Variants in SLC16A2 observed in about 807,000 individuals in gnomAD.
SLC16A2 encodes the protein monocarboxylate transporter 8.
In SLC16A2, 3 loss-of-function variants were observed where a neutral mutation model predicts 27.2. That is an observed-to-expected ratio of 0.11 (90% CI 0.05 to 0.28). The LOEUF (loss-of-function observed/expected upper bound fraction) is 0.28. Among genes scored for constraint, SLC16A2 ranks in the 10% least tolerant of loss-of-function variants. The pLI is 1.00. For missense variants in SLC16A2, 295 were observed against 458.5 expected (o/e 0.64, Z 3.26); for synonymous variants, 202 against 187.8 (o/e 1.08, Z -0.62).
At position 74,523,015 on chromosome X, in the gene SLC16A2, A is replaced by T. The variant is rs1186968957; in HGVS notation, c.576-1344A>T. Among the ~76,000 whole-genome samples the T allele has an allele frequency of 1.3e-3, 45 of 35,196 alleles. 2 individuals carry two copies. Among genetic ancestry groups the T allele is most frequent in the Non-Finnish European group, 1.1e-4 (1 of 9,288 alleles). The allele number at this position is 35,196 out of a possible 115,157, so 30.6% of individuals were successfully genotyped here. A position where few individuals can be genotyped will look rare whatever the true frequency, so the allele number is the denominator to read the frequency against. ...ATCCCTGGGGCCCAGCTAGAAGTAG[A>T]TCCACCACATGGATCTAAACCAAAT... is the stretch of plus-strand genomic sequence containing the variant. On this transcript the variant is annotated intron_variant, in intron 2 of 5. Transcript: ENST00000587091.
At chrX:74,435,086 T>C (rs971075572) in intron 1 of SLC16A2, among the ~76,000 whole-genome samples, 2 of 109,761 alleles carry the variant, frequency 1.8e-5, no homozygotes, top group Admixed American at 2.0e-4. Context: ...TGCCTCGGCC[T>C]CCCAAAGTAC....
intron 1 of SLC16A2, among the ~76,000 whole-genome samples, chrX:74,503,246 C>T (rs1930069150): frequency 9.0e-6 from 1 of 110,861 alleles, no homozygotes; most frequent in Non-Finnish European, 1.9e-5. Context: ...CTCACACAGA[C>T]CCAATTAAAA....
At chrX:74,508,141 C>T (rs971189164) in intron 1 of SLC16A2, among the ~76,000 whole-genome samples, 8 of 111,856 alleles carry the variant, frequency 7.2e-5, no homozygotes, top group South Asian at 3.7e-4. Context: ...AGTCTTGAAA[C>T]GAGATAATAT....
At chrX:74,424,324 G>T (rs1434446666) in intron 1 of SLC16A2, among the ~76,000 whole-genome samples, 1 of 111,338 alleles carries the variant, frequency 9.0e-6, no homozygotes, top group African/African-American at 3.3e-5. Flanking sequence ...TATACTAGAG[G>T]TTCTTAGGGA....
At position 74,479,271 on chromosome X, in the gene SLC16A2, C is replaced by T. The variant is rs765788067; in HGVS notation, c.431-41719C>T. On this transcript the variant is annotated intron_variant, in intron 1 of 5. Transcript: ENST00000587091. ...ACTGATACCCTTTCTTCCAGTTGATCGAATTGGCTACTGAGGCTTGTGCAT... is the reference window on the plus strand; with the variant it reads ...ACTGATACCCTTTCTTCCAGTTGATTGAATTGGCTACTGAGGCTTGTGCAT... Among the ~76,000 whole-genome samples, 9 of 112,148 alleles carry T rather than the reference C, an allele frequency of 8.0e-5. No homozygotes were observed. The South Asian group carries it at 1.1e-3, about 14-fold the overall frequency.
At chrX:74,479,827 C>G (rs1929576324) in intron 1 of SLC16A2, among the ~76,000 whole-genome samples, 1 of 111,732 alleles carries the variant, frequency 8.9e-6, no homozygotes, top group African/African-American at 3.3e-5. Flanking sequence ...ATGTTGCTGC[C>G]TGATCGTTCC....
intron 1 of SLC16A2, among the ~76,000 whole-genome samples, chrX:74,481,683 G>A (rs1437960925): frequency 9.4e-6 from 1 of 106,849 alleles, no homozygotes; most frequent in Non-Finnish European, 1.9e-5. Flanking sequence ...TTTCTCCTTT[G>A]TTTTTTACTC....
At chrX:74,473,373 T>A in intron 1 of SLC16A2, 1 of 542,203 alleles carries the variant, frequency 1.8e-6, no homozygotes, top group East Asian at 3.3e-5. Context: ...CACCTCTGGC[T>A]GGATGAGGCA....
At chrX:74,519,384 A>G (rs1485772715) in intron 1 of SLC16A2, among the ~76,000 whole-genome samples, 8 of 100,110 alleles carry the variant, frequency 8.0e-5, no homozygotes, top group Non-Finnish European at 1.4e-4. Context: ...TCACTGTGTT[A>G]GCCAGGATGG....
At chrX:74,465,594 G>A (rs1929236942) in intron 1 of SLC16A2, among the ~76,000 whole-genome samples, 1 of 111,725 alleles carries the variant, frequency 9.0e-6, no homozygotes, top group Non-Finnish European at 1.9e-5. Context: ...GTTGGAGACT[G>A]TTTGTGCACC....
At chrX:74,497,493 A>C (rs1477646095) in intron 1 of SLC16A2, among the ~76,000 whole-genome samples, 3 of 108,977 alleles carry the variant, frequency 2.8e-5, no homozygotes, top group Admixed American at 9.9e-5. Flanking sequence ...AGGTTCTCAA[A>C]GTTTTTTGTT....
chrX:74,495,571 G>A (rs1175202113), intron 1 of SLC16A2, among the ~76,000 whole-genome samples: 1 of 109,060 alleles, frequency 9.2e-6, no homozygotes, highest in Non-Finnish European at 1.9e-5. Flanking sequence ...CTTACATTAT[G>A]CAGCTCTGTG....
rs1555980987 is a variant in SLC16A2, at chrX:74,435,543, A to ATGTG, written c.430+13477_430+13478insGTGT. ...TATATATGCATATATATATGTATAT[A>ATGTG]TATATATATATTTTTTTTTTTTTTA... On this transcript the variant is annotated intron_variant, in intron 1 of 5. Coordinates refer to ENST00000587091, the MANE Select transcript of SLC16A2 (RefSeq NM_006517.5). 6.4e-3 allele frequency among the ~76,000 whole-genome samples: 569 copies of ATGTG among 88,363 alleles called. 4 individuals carry two copies. The highest frequency in any genetic ancestry group is 0.024 in the African/African-American group (517 of 21,291). 76.7% of individuals were successfully genotyped at this position (88,363 alleles called of 115,157 possible).
chrX:74,440,499 T>C (rs1489355455), intron 1 of SLC16A2, among the ~76,000 whole-genome samples: 1 of 105,320 alleles, frequency 9.5e-6, no homozygotes, highest in Non-Finnish European at 1.9e-5. Context: ...GGACTGGAGA[T>C]TGTTTACTCT....
At chrX:74,479,594 T>G (rs1434086568) in intron 1 of SLC16A2, among the ~76,000 whole-genome samples, 1 of 111,951 alleles carries the variant, frequency 8.9e-6, no homozygotes, top group Non-Finnish European at 1.9e-5. Flanking sequence ...TCTGCTCTGT[T>G]TTTTCCCCAT....
At chrX:74,455,578 A>G (rs1409533456) in intron 1 of SLC16A2, among the ~76,000 whole-genome samples, 1 of 111,205 alleles carries the variant, frequency 9.0e-6, no homozygotes, top group Non-Finnish European at 1.9e-5. Context: ...CATTTTAGGC[A>G]GAGAGGGCTC....
chrX:74,440,801 GGTGTGT>G (rs35869235), intron 1 of SLC16A2, among the ~76,000 whole-genome samples: 8 of 103,078 alleles, frequency 7.8e-5, no homozygotes, highest in Non-Finnish European at 1.4e-4. Flanking sequence ...AATAAATGAG[GGTGTGT>G]GTGTGTGTGT....
At chrX:74,526,525 G>A (rs1349388816) in intron 4 of SLC16A2, among the ~76,000 whole-genome samples, 2 of 112,217 alleles carry the variant, frequency 1.8e-5, no homozygotes, top group Admixed American at 1.9e-4. Flanking sequence ...ATCTTGGATG[G>A]AAATATGATT....
chrX:74,478,171 C>T (rs771727546), intron 1 of SLC16A2, among the ~76,000 whole-genome samples: 17 of 111,793 alleles, frequency 1.5e-4, no homozygotes, highest in African/African-American at 5.5e-4. Flanking sequence ...CTGGGTGCTC[C>T]TGTATTGGGT....
Sources: gnomAD v4.1 joint callset for allele counts (sites outside exome capture counted in the v4.1 genomes callset) on GRCh38, gnomAD v4.1.1 for gene constraint, MANE v1.5 for transcripts, NCBI Gene and HGNC (gene_info 2026-07-23, HGNC 2026-07-21) for gene names.